The following CNN1 variants were observed in gnomAD, a reference collection of about 807,000 sequenced individuals.
CNN1 encodes calponin-1.
A neutral mutation model predicts 35.3 loss-of-function variants in CNN1; 21 were observed. The ratio of observed to expected loss-of-function variants is 0.60; its 90% CI spans 0.42 to 0.86. The LOEUF is 0.86. CNN1 is among the 40% of genes least tolerant of loss of function. The pLI, the probability that CNN1 is intolerant of heterozygous loss-of-function variation, is 0.00. For missense variants in CNN1, 314 were observed against 400.8 expected (o/e 0.78, Z 1.85); for synonymous variants, 164 against 161.8 (o/e 1.01, Z -0.10).
chr19:11,547,097 G>A, intron 4 of CNN1, 128 bp downstream of exon 4: 2 of 1,391,424 alleles, frequency 1.4e-6, no homozygotes, highest in African/African-American at 1.4e-5. Flanking sequence ...AGCAGGTGCT[G>A]TCAACAGCGT....
At chr19:11,539,265 C>A (rs749692714) in intron 1 of CNN1, 2 of 1,221,240 alleles carry the variant, frequency 1.6e-6, no homozygotes, top group Non-Finnish European at 2.0e-6. Flanking sequence ...CTTCTGTTAA[C>A]CCTTCGTGTT....
intron 1 of CNN1, chr19:11,540,719 G>C (rs766465178): frequency 5.3e-6 from 1 of 190,336 alleles, no homozygotes; most frequent in African/African-American, 2.4e-5. Context: ...GCACAGAGGG[G>C]GCAGGGCTAG....
At chr19:11,544,662 G>GTTTT (rs745637541) in intron 2 of CNN1, among the ~76,000 whole-genome samples, 13 of 131,970 alleles carry the variant, frequency 9.9e-5, no homozygotes, top group Admixed American at 1.6e-4. Flanking sequence ...AAGTTTTCGG[G>GTTTT]TTTTTTTTTT....
chr19:11,549,789 C>T lies in CNN1; in HGVS notation c.888C>T (p.Ser296=), dbSNP rs376481952. Reference sequence around the variant, plus strand: ...ACCACGCACACAACTACTACAATTCCGCCTAGGGCCACAAGGCCTTCCCTG... The same window carrying T: ...ACCACGCACACAACTACTACAATTCTGCCTAGGGCCACAAGGCCTTCCCTG... ...HNHHAHNYYN[S]A is the part of the protein sequence containing the mutation. Residue 296 remains serine (S), a synonymous_variant, in exon 7 of 7, where the codon TCC becomes TCT. Transcript: ENST00000252456. This position sits in a 1 kb window ranked among gnomAD's most constrained non-coding sequence, Gnocchi z 5.2. 1.1e-4 allele frequency: 178 copies of T among 1,601,934 alleles called. No homozygotes were observed. In the South Asian group the frequency reaches 1.5e-3, roughly 14 times the overall value.
At chr19:11,539,865 T>G (rs988828155) in intron 1 of CNN1, 1 of 1,157,526 alleles carries the variant, frequency 8.6e-7, no homozygotes, top group Non-Finnish European at 1.1e-6. Context: ...AGCGCCGCCC[T>G]CCTCCCCCCC....
Position 11,549,563 on chromosome 19 carries a change from C to G in CNN1, c.662C>G (p.Ala221Gly). 6.3e-7 allele frequency: 1 copy of G among 1,598,198 alleles called. No individual in the cohort carries two copies. The highest frequency in any genetic ancestry group is 8.6e-7 in the Non-Finnish European group (1 of 1,168,776). ...CACCCTTCGCAGGCTGGCATGACTG[C>G]GCCAGGGACCAAGCGGCAGATCTTC... ...NKGASQAGMTAPGTKRQIFEP... is the reference protein window; with the variant it reads ...NKGASQAGMTGPGTKRQIFEP... The change falls in exon 7 of 7, where the codon GCG becomes GGG. Residue 221 changes from alanine (A) to glycine (G), a missense_variant. By Grantham distance (60) the Ala-to-Gly change is moderately conservative. Coordinates refer to ENST00000252456, the MANE Select transcript of CNN1 (RefSeq NM_001299.6). This position sits in a 1 kb window ranked among gnomAD's most constrained non-coding sequence, Gnocchi z 5.2.
At chr19:11,541,467 CAG>C (rs1352214389) in intron 2 of CNN1, among the ~76,000 whole-genome samples, 1 of 152,180 alleles carries the variant, frequency 6.6e-6, no homozygotes, top group Non-Finnish European at 1.5e-5. Flanking sequence ...CTGTGGCCGC[CAG>C]AGTCCCCAGA....
intron 1 of CNN1, chr19:11,539,628 C>G (rs1407124565): frequency 1.4e-6 from 1 of 733,774 alleles, no homozygotes; most frequent in African/African-American, 1.8e-5. Context: ...CAGCTTCTCC[C>G]AGCTGGAGAA....
chr19:11,548,513 G>A (rs1451437285), intron 5 of CNN1, among the ~76,000 whole-genome samples: 16 of 152,014 alleles, frequency 1.1e-4, no homozygotes, highest in Non-Finnish European at 2.9e-5. Context: ...CTGGACTCCA[G>A]CCTGGGCGAC....
chr19:11,542,864 G>A (rs536450688), intron 2 of CNN1, among the ~76,000 whole-genome samples: 6 of 152,186 alleles, frequency 3.9e-5, no homozygotes, highest in South Asian at 2.1e-4. Flanking sequence ...GTGAGCCACC[G>A]CGCCCGGCTC....
chr19:11,546,698 G>C lies in CNN1; in HGVS notation c.209G>C (p.Gly70Ala), dbSNP rs1331324655. 2.5e-6 allele frequency: 4 copies of C among 1,614,026 alleles called. No homozygotes were observed. Among genetic ancestry groups the C allele is most frequent in the East Asian group, 2.2e-5 (1 of 44,890 alleles). The change falls in exon 3 of 7, where the codon GGC becomes GCC. Residue 70 changes from glycine (G) to alanine (A), a missense_variant. Coordinates refer to ENST00000252456, the MANE Select transcript of CNN1 (RefSeq NM_001299.6). ...LCEFINKLQP[G>A]SVKKINESTQ... The stretch of plus-strand genomic sequence containing the variant: ...AGATTCATCAATAAGCTGCAGCCAG[G>C]CTCCGTGAAGAAGATCAATGAGTCA...
Position 11,549,944 on chromosome 19 carries a change from G to A in CNN1, c.*149G>A. 1 of 1,222,710 alleles carries A rather than the reference G, an allele frequency of 8.2e-7. No homozygotes were observed. The highest frequency in any genetic ancestry group is 1.1e-6 in the Non-Finnish European group (1 of 886,418). The allele number at this position is 1,222,710 out of a possible 1,614,324, so 75.7% of individuals were successfully genotyped here. A position where few individuals can be genotyped will look rare whatever the true frequency, so the allele number is the denominator to read the frequency against. On this transcript the variant is annotated 3_prime_UTR_variant, in exon 7 of 7. Coordinates refer to ENST00000252456, the MANE Select transcript of CNN1 (RefSeq NM_001299.6). This position sits in a 1 kb window ranked among gnomAD's most constrained non-coding sequence, Gnocchi z 5.2. ...TCTACAGGGTTAGAGTTTGGAGAGA[G>A]CAGACTGGCGGGGGGCCCATTGGGG...
chr19:11,544,932 C>T lies in CNN1; in HGVS notation c.186-1743C>T, dbSNP rs188809346. Among the ~76,000 whole-genome samples, 5 of 152,200 alleles carry T rather than the reference C, an allele frequency of 3.3e-5. No homozygotes were observed. In the East Asian group the frequency reaches 9.7e-4, roughly 29 times the overall value. On this transcript the variant is annotated intron_variant, in intron 2 of 6. Transcript: ENST00000252456. The stretch of plus-strand genomic sequence containing the variant: ...GGCCATTCTGGGCCAGGGGCAGTGG[C>T]TCATGCCTGTAATCCCAGCACTTTG...
In CNN1 at chr19:11,549,429, C is replaced by G; in HGVS notation, c.608C>G (p.Thr203Ser). ...LGTDQPLDQA[T>S]ISLQMGTNKG... The stretch of plus-strand genomic sequence containing the variant: ...ACAGACCAGCCTCTGGACCAGGCGA[C>G]CATCAGCCTGCAGATGGGCACCAAC... The change falls in exon 6 of 7, where the codon ACC becomes AGC. Residue 203 changes from threonine to serine, a missense_variant. Thr to Ser is a moderately conservative substitution (Grantham distance 58, BLOSUM62 1). Coordinates refer to ENST00000252456, the MANE Select transcript of CNN1 (RefSeq NM_001299.6). This position sits in a 1 kb window ranked among gnomAD's most constrained non-coding sequence, Gnocchi z 5.2. 2 of 1,613,848 alleles carry G rather than the reference C, an allele frequency of 1.2e-6. No homozygotes were observed. Among genetic ancestry groups the G allele is most frequent in the Non-Finnish European group, 1.7e-6 (2 of 1,179,958 alleles).
chr19:11,546,582 C>T, intron 2 of CNN1, 93 bp from the exon 3 acceptor site: 10 of 1,324,208 alleles, frequency 7.6e-6, no homozygotes, highest in South Asian at 3.6e-5. Flanking sequence ...GATCCACCCG[C>T]CTTGGCCTCC....
rs1029990418 is a variant in CNN1 at position 11,550,251 on chromosome 19, A to G, written c.*456A>G. The G allele has an allele frequency of 1.2e-5, 2 of 164,762 alleles. No homozygotes were observed. Among genetic ancestry groups the G allele is most frequent in the African/African-American group, 4.8e-5 (2 of 41,872 alleles). 10.2% of individuals were successfully genotyped at this position (164,762 alleles called of 1,614,324 possible). A position where few individuals can be genotyped will look rare whatever the true frequency, so the allele number is the denominator to read the frequency against. On this transcript the variant is annotated 3_prime_UTR_variant, in exon 7 of 7. Coordinates refer to ENST00000252456, the MANE Select transcript of CNN1 (RefSeq NM_001299.6). Reference sequence around the variant, plus strand: ...GACTGGCATACTATGTGGATGTGACAGTGGCGTTTGTAATGAGAGCACTTT... The same window carrying G: ...GACTGGCATACTATGTGGATGTGACGGTGGCGTTTGTAATGAGAGCACTTT...
At chr19:11,547,091 G>GGGATCGGGGA in intron 4 of CNN1, 122 bp downstream of exon 4, 3 of 1,457,446 alleles carry the variant, frequency 2.1e-6, no homozygotes, top group Non-Finnish European at 2.8e-6. Context: ...TCGGGGAGCA[G>GGGATCGGGGA]GTGCTGTCAA....
In CNN1 at chr19:11,541,065, C is replaced by T. The variant is rs1291376074; in HGVS notation, c.64-11C>T. 6.3e-7 allele frequency: 1 copy of T among 1,599,414 alleles called. No individual in the cohort carries two copies. The highest frequency in any genetic ancestry group is 8.5e-7 in the Non-Finnish European group (1 of 1,172,960). ...CCTTTCTCTGTGCCCCCTGCCCTCC[C>T]CTCGCCCCAGCTGGCCCAGAAGTAT... is the stretch of plus-strand genomic sequence containing the variant. On this transcript the variant is annotated splice_polypyrimidine_tract_variant and intron_variant, in intron 1 of 6. Transcript: ENST00000252456.
chr19:11,547,900 G>C lies in CNN1; in HGVS notation c.494G>C (p.Gly165Ala), dbSNP rs1972628133. 6.2e-7 allele frequency: 1 copy of C among 1,613,390 alleles called. No homozygotes were observed. Among genetic ancestry groups the C allele is most frequent in the East Asian group, 2.2e-5 (1 of 44,872 alleles). Residue 165 changes from glycine (G) to alanine (A), a missense_variant, in exon 5 of 7, where the codon GGG (glycine) becomes GCG (alanine). Gly to Ala is a moderately conservative substitution (Grantham distance 60). Coordinates refer to ENST00000252456, the MANE Select transcript of CNN1 (RefSeq NM_001299.6). ...CTAAGAGAAGGGCGGAACATCATTG[G>C]GCTGCAGGTACCGCCCTGTCCTCAC... ...GKLREGRNII[G>A]LQMGTNKFAS... is the part of the protein sequence containing the mutation.
Sources: gnomAD v4.1 joint callset for allele counts (sites outside exome capture counted in the v4.1 genomes callset) on GRCh38, gnomAD v4.1.1 for gene constraint, Gnocchi (gnomAD v3.1) non-coding constraint, MANE v1.5 for transcripts, NCBI Gene and HGNC (gene_info 2026-07-23, HGNC 2026-07-21) for gene names.